Variants in SECISBP2L observed in about 807,000 individuals in gnomAD.
The protein encoded by SECISBP2L is selenocysteine insertion sequence-binding protein 2-like.
Under a neutral mutation model 114.7 loss-of-function variants are expected in SECISBP2L, and 43 were observed. That is an observed-to-expected ratio of 0.38 (90% confidence interval 0.29 to 0.48). The LOEUF (loss-of-function observed/expected upper bound fraction) is 0.48, where lower values mean the gene tolerates loss of function less well. Among genes scored for constraint, SECISBP2L ranks in the 20% least tolerant of loss-of-function variants. The probability of loss-of-function intolerance (pLI) is 0.98; values close to 1 mark genes in which losing one functional copy is unlikely to be tolerated. For synonymous variants in SECISBP2L, 451 were observed against 439.7 expected, an observed-to-expected ratio of 1.03 and a Z score of -0.32; for missense variants, 1,136 against 1,301.1, an observed-to-expected ratio of 0.87 and a Z score of 1.95.
chr15:49,039,453 G>T (rs186857025), intron 1 of SECISBP2L, among the ~76,000 whole-genome samples: 42 of 151,176 alleles, frequency 2.8e-4, no homozygotes, highest in Non-Finnish European at 5.7e-4. Flanking sequence ...ACACATACAT[G>T]CATAAGAAAA....
intron 1 of SECISBP2L, among the ~76,000 whole-genome samples, chr15:49,042,988 T>A (rs573584596): frequency 6.6e-6 from 1 of 152,126 alleles, no homozygotes; most frequent in Non-Finnish European, 1.5e-5. Context: ...GACAGTACCA[T>A]TGCACTCCAG....
chr15:49,002,057 C>G (rs1343476950), intron 14 of SECISBP2L: 3 of 152,172 alleles, frequency 2.0e-5, no homozygotes, highest in Non-Finnish European at 4.4e-5. Context: ...AATGGTTGAA[C>G]TAATTTACAC....
Position 49,027,448 on chromosome 15 carries a change from C to G in SECISBP2L, c.952G>C (p.Ala318Pro), listed in dbSNP as rs750069773. The G allele has an allele frequency of 6.2e-7, 1 of 1,608,138 alleles. No individual in the cohort carries two copies. Among genetic ancestry groups the G allele is most frequent in the African/African-American group, 1.3e-5 (1 of 74,796 alleles). Residue 318 changes from alanine (A) to proline (P), a missense_variant, in exon 7 of 18, where the codon GCA becomes CCA. By Grantham distance (27) the Ala-to-Pro change is conservative (BLOSUM62 -1). This residue lies in a region of SECISBP2L where 452 missense variants were observed against 452.3 expected (regional missense o/e 1.00). Coordinates refer to ENST00000559471, the MANE Select transcript of SECISBP2L (RefSeq NM_001193489.2). ...TCCATCCAAGGTTTTTTCTGAGTTG[C>G]CTGGCAAGTTACATTGGACCAATTT... Reference protein sequence around the residue: ...GVNWSNVTCQATQKKPWMEKN... With the variant: ...GVNWSNVTCQPTQKKPWMEKN...
rs2141074320 is a variant in SECISBP2L at position 49,020,321 on chromosome 15, T to G, written c.1036-769A>C. Reference sequence around the variant, plus strand: ...CCTAGGCTCGAGTGATTCTCTTGCCTCAGCCTCCCAAGTAGCTGGGACTAC... The same window carrying G: ...CCTAGGCTCGAGTGATTCTCTTGCCGCAGCCTCCCAAGTAGCTGGGACTAC... On this transcript the variant is annotated intron_variant, in intron 7 of 17. Transcript: ENST00000559471. 2.6e-5 allele frequency among the ~76,000 whole-genome samples: 4 copies of G among 152,108 alleles called. No individual in the cohort carries two copies. In the East Asian group the frequency reaches 7.7e-4, roughly 29 times the overall value.
Position 49,015,494 on chromosome 15 carries a change from A to G in SECISBP2L, c.1561+1066T>C, listed in dbSNP as rs553546481. ...TTTATCTTTCTGTCTAATAAGTAAT[A>G]GTCCCTTCACACAGGATCAGAAGAA... On this transcript the variant is annotated intron_variant, in intron 11 of 17. Transcript: ENST00000559471. Among the ~76,000 whole-genome samples, 17 of 152,310 alleles carry G rather than the reference A, an allele frequency of 1.1e-4. No individual in the cohort carries two copies. In the East Asian group the frequency reaches 2.9e-3, roughly 26 times the overall value.
At chr15:49,022,863 A>G (rs1390071289) in intron 7 of SECISBP2L, among the ~76,000 whole-genome samples, 2 of 152,220 alleles carry the variant, frequency 1.3e-5, no homozygotes, top group African/African-American at 4.8e-5. Context: ...AAGTAGGATC[A>G]TATCTCACAT....
Position 49,037,697 on chromosome 15 carries a change from T to C in SECISBP2L, c.97A>G (p.Met33Val), listed in dbSNP as rs200335700. ...CTTCCATTATCATTTGGGAGAGCCA[T>C]AGGGATCATAAATGTATCAGGACTC... ...KKSPDTFMIPMALPNDNGSVS... is the reference protein window; with the variant it reads ...KKSPDTFMIPVALPNDNGSVS... The change falls in exon 2 of 18, where the codon ATG becomes GTG. Residue 33 changes from methionine to valine, a missense_variant. Transcript: ENST00000559471. The C allele has an allele frequency of 1.3e-4, 210 of 1,613,786 alleles. No individual in the cohort carries two copies. Among genetic ancestry groups the C allele is most frequent in the South Asian group, 2.1e-4 (19 of 90,984 alleles).
intron 5 of SECISBP2L, 129 bp from the exon 6 acceptor site, chr15:49,028,297 T>G (rs1356056624): frequency 1.0e-6 from 1 of 982,876 alleles, no homozygotes; most frequent in South Asian, 1.8e-5. Context: ...TCTTCATAAA[T>G]GAATATTTTT....
At chr15:49,026,396 G>C (rs867394046) in intron 7 of SECISBP2L, among the ~76,000 whole-genome samples, 2 of 152,152 alleles carry the variant, frequency 1.3e-5, no homozygotes, top group African/African-American at 4.8e-5. Flanking sequence ...ACAAAGAAAT[G>C]ATCTATGTTT....
chr15:49,037,617 T>C lies in SECISBP2L; in HGVS notation c.177A>G (p.Pro59=), dbSNP rs1435023745. 1.9e-6 allele frequency: 3 copies of C among 1,613,380 alleles called. No homozygotes were observed. Among genetic ancestry groups the C allele is most frequent in the Admixed American group, 1.7e-5 (1 of 59,942 alleles). ...TATTGGACTGGTTTTCCTGCACAAA[T>C]GGGTAACAAGTAATCAGGTAGCTGG... is the stretch of plus-strand genomic sequence containing the variant. ...PIPSYLITCY[P]FVQENQSNRQ... The change falls in exon 2 of 18, where the codon CCA becomes CCG. Residue 59 remains proline, a synonymous_variant. Coordinates refer to ENST00000559471, the MANE Select transcript of SECISBP2L (RefSeq NM_001193489.2).
At chr15:48,999,718 G>T in intron 16 of SECISBP2L, 115 bp downstream of exon 16, 1 of 1,122,206 alleles carries the variant, frequency 8.9e-7, no homozygotes, top group South Asian at 2.2e-5. Flanking sequence ...TTCTTTCAGG[G>T]TTGTCAACTC....
intron 13 of SECISBP2L, among the ~76,000 whole-genome samples, chr15:49,010,048 G>A (rs958907575): frequency 2.0e-5 from 3 of 151,586 alleles, no homozygotes; most frequent in Non-Finnish European, 2.9e-5. Flanking sequence ...CAGGAGAATC[G>A]CTTGAACCCG....
At chr15:49,004,146 C>G (rs1902266612) in intron 14 of SECISBP2L, among the ~76,000 whole-genome samples, 1 of 152,166 alleles carries the variant, frequency 6.6e-6, no homozygotes, top group African/African-American at 2.4e-5. Flanking sequence ...AGGGATTCGA[C>G]TTCTTCCTGG....
At chr15:49,046,081 G>C (rs999677805) in intron 1 of SECISBP2L, among the ~76,000 whole-genome samples, 195 bp downstream of exon 1, 6 of 152,192 alleles carry the variant, frequency 3.9e-5, no homozygotes, top group South Asian at 2.1e-4. Context: ...AAGTAATCAG[G>C]GTTGGAAAAG....
At chr15:49,036,232 G>C (rs1903003378) in intron 2 of SECISBP2L, among the ~76,000 whole-genome samples, 1 of 152,208 alleles carries the variant, frequency 6.6e-6, no homozygotes, top group East Asian at 1.9e-4. Flanking sequence ...AGGGAAAGAA[G>C]AGAAGAGGCA....
intron 7 of SECISBP2L, among the ~76,000 whole-genome samples, chr15:49,023,403 C>G (rs1199595835): frequency 6.6e-6 from 1 of 152,166 alleles, no homozygotes; most frequent in Non-Finnish European, 1.5e-5. Flanking sequence ...GCATACACCC[C>G]AAATCCTGAA....
chr15:49,025,720 A>G (rs1193912706), intron 7 of SECISBP2L, among the ~76,000 whole-genome samples: 2 of 150,982 alleles, frequency 1.3e-5, no homozygotes. Context: ...TCAAAAAGAC[A>G]AAAAAAAATG....
chr15:48,988,967 T>C lies in SECISBP2L; in HGVS notation c.*3277A>G, dbSNP rs573549914. The C allele has an allele frequency of 6.0e-6, 1 of 165,814 alleles. No homozygotes were observed. Among genetic ancestry groups the C allele is most frequent in the East Asian group, 1.7e-4 (1 of 5,908 alleles). 10.3% of individuals were successfully genotyped at this position (165,814 alleles called of 1,614,324 possible). ...CAGATTAGGCAAACAGTTTGGTTGA[T>C]TCTGTGATGTATGTAAAGGTTGGAA... On this transcript the variant is annotated 3_prime_UTR_variant, in exon 18 of 18. Transcript: ENST00000559471.
intron 7 of SECISBP2L, among the ~76,000 whole-genome samples, chr15:49,025,560 C>T (rs1262737821): frequency 1.3e-5 from 2 of 152,078 alleles, no homozygotes; most frequent in African/African-American, 4.8e-5. Context: ...AAAAAAGTTT[C>T]ATATTTTTCA....
Sources: gnomAD v4.1 joint callset for allele counts (sites outside exome capture counted in the v4.1 genomes callset) on GRCh38, gnomAD v4.1.1 for gene constraint, gnomAD v4.1.1 regional missense constraint, MANE v1.5 for transcripts, NCBI Gene and HGNC (gene_info 2026-07-23, HGNC 2026-07-21) for gene names.